The following PPP3CA variants were observed in gnomAD, a reference collection of about 807,000 sequenced individuals.
PPP3CA encodes protein phosphatase 3 catalytic subunit alpha, also known as CAM-PRP catalytic subunit.
A neutral mutation model predicts 66.5 loss-of-function variants in PPP3CA; 14 were observed. The observed-to-expected ratio is 0.21, with a 90% confidence interval of 0.14 to 0.33. The LOEUF is 0.33. Ranked by LOEUF, PPP3CA falls within the 10% of genes least tolerant of loss-of-function variation. PPP3CA has a pLI of 1.00. For missense variants in PPP3CA, 317 were observed against 639.5 expected (o/e 0.50, Z 5.44); for synonymous variants, 232 against 226.2 (o/e 1.03, Z -0.23).
chr4:101,070,112 T>C (rs1728851177), intron 8 of PPP3CA, among the ~76,000 whole-genome samples: 1 of 152,140 alleles, frequency 6.6e-6, no homozygotes, highest in Non-Finnish European at 1.5e-5. Flanking sequence ...ATTATTCATA[T>C]ATAGAATTTT....
chr4:101,164,561 A>AGTTTTTT (rs1553929946), intron 2 of PPP3CA, among the ~76,000 whole-genome samples: 3 of 31,288 alleles, frequency 9.6e-5, no homozygotes, highest in African/African-American at 1.9e-4. Flanking sequence ...ATGGGATTTA[A>AGTTTTTT]GTTTTTTTTT....
chr4:101,067,843 A>G (rs1019174397), intron 8 of PPP3CA, among the ~76,000 whole-genome samples: 54 of 150,738 alleles, frequency 3.6e-4, no homozygotes, highest in Admixed American at 4.0e-4. Flanking sequence ...TAATAATAAA[A>G]AGCTTCTAAT....
Position 101,040,477 on chromosome 4 carries a change from C to T in PPP3CA, c.1241+5G>A. On this transcript the variant is annotated splice_donor_5th_base_variant and intron_variant, in intron 11 of 13. Transcript: ENST00000394854. ...GAAACAAAAACAGAGTACGAATGCA[C>T]CCACCTGAGCACTGAGAACACTCTG... is the stretch of plus-strand genomic sequence containing the variant. 6.3e-7 allele frequency: 1 copy of T among 1,591,950 alleles called. No homozygotes were observed. Among genetic ancestry groups the T allele is most frequent in the East Asian group, 2.3e-5 (1 of 44,226 alleles).
chr4:101,256,901 A>G (rs2850336), intron 1 of PPP3CA, among the ~76,000 whole-genome samples: 54,108 of 151,812 alleles, frequency 0.36, 10,836 homozygotes, highest in East Asian at 0.69. Flanking sequence ...TTTGTTTAAC[A>G]CTCTCATTAA....
intron 1 of PPP3CA, among the ~76,000 whole-genome samples, chr4:101,298,693 T>C (rs1728272328): frequency 6.6e-6 from 1 of 152,162 alleles, no homozygotes; most frequent in Non-Finnish European, 1.5e-5. Context: ...ATACACAGTA[T>C]ATGTTAATTA....
intron 3 of PPP3CA, among the ~76,000 whole-genome samples, chr4:101,107,573 G>T (rs1205284159): frequency 6.6e-6 from 1 of 152,152 alleles, no homozygotes; most frequent in Non-Finnish European, 1.5e-5. Flanking sequence ...AGAAATCTGT[G>T]ATCTTTAAAT....
At chr4:101,132,468 A>C (rs1274200218) in intron 2 of PPP3CA, among the ~76,000 whole-genome samples, 1 of 152,236 alleles carries the variant, frequency 6.6e-6, no homozygotes, top group African/African-American at 2.4e-5. Context: ...AATACTATTA[A>C]CACCTCTACA....
rs778848431 is a variant in PPP3CA, at chr4:101,025,951, C to A, written c.1480G>T (p.Ala494Ser). Residue 494 changes from alanine (A) to serine (S), a missense_variant, in exon 14 of 14, where the codon GCC (alanine) becomes TCC (serine). This residue lies in a region of PPP3CA where 40 missense variants were observed against 38.6 expected (regional missense o/e 1.04). Coordinates refer to ENST00000394854, the MANE Select transcript of PPP3CA (RefSeq NM_000944.5). ...GCCTTGTTGATGGAGTTAAGGTTGG[C>A]GTCAGAGGGCATGGCATCTCTGCGA... ...PPRRDAMPSD[A>S]NLNSINKALT... 6.2e-7 allele frequency: 1 copy of A among 1,613,016 alleles called. No individual in the cohort carries two copies. Among genetic ancestry groups the A allele is most frequent in the Non-Finnish European group, 8.5e-7 (1 of 1,179,738 alleles).
chr4:101,199,695 T>C (rs1279296764), intron 1 of PPP3CA, among the ~76,000 whole-genome samples: 2 of 152,164 alleles, frequency 1.3e-5, no homozygotes, highest in South Asian at 2.1e-4. Flanking sequence ...AAACAACATA[T>C]TGAGCTAGGA....
At chr4:101,213,779 G>A (rs144517818) in intron 1 of PPP3CA, among the ~76,000 whole-genome samples, 21 of 152,176 alleles carry the variant, frequency 1.4e-4, no homozygotes, top group Non-Finnish European at 2.4e-4. Flanking sequence ...GACATAATCC[G>A]AGAGTCTTGA....
chr4:101,297,700 A>T (rs1181604265), intron 1 of PPP3CA, among the ~76,000 whole-genome samples: 1 of 152,130 alleles, frequency 6.6e-6, no homozygotes, highest in Non-Finnish European at 1.5e-5. Flanking sequence ...CTTTTTCCCT[A>T]CTTCCTTATG....
rs78813178 is a variant in PPP3CA at position 101,145,879 on chromosome 4, T to A, written c.260-36801A>T. On this transcript the variant is annotated intron_variant, in intron 2 of 13. Coordinates refer to ENST00000394854, the MANE Select transcript of PPP3CA (RefSeq NM_000944.5). ...TAAAAATTAAAGATTCTGGCTTTAATGAATACAAAAGCATTTTGTTCATAA... is the reference window on the plus strand; with the variant it reads ...TAAAAATTAAAGATTCTGGCTTTAAAGAATACAAAAGCATTTTGTTCATAA... Among the ~76,000 whole-genome samples the A allele has an allele frequency of 3.6e-3, 543 of 152,258 alleles. 4 individuals carry two copies. Among genetic ancestry groups the A allele is most frequent in the Middle Eastern group, 0.014 (4 of 294 alleles).
chr4:101,342,658 G>C (rs537540742), intron 1 of PPP3CA, among the ~76,000 whole-genome samples: 1 of 152,000 alleles, frequency 6.6e-6, no homozygotes, highest in Non-Finnish European at 1.5e-5. Flanking sequence ...TCATGATATT[G>C]AATTAATAAA....
At chr4:101,274,358 T>C (rs774180873) in intron 1 of PPP3CA, among the ~76,000 whole-genome samples, 2 of 152,182 alleles carry the variant, frequency 1.3e-5, no homozygotes, top group Non-Finnish European at 2.9e-5. Context: ...GAAAATATGT[T>C]CATGTCTCAA....
intron 9 of PPP3CA, among the ~76,000 whole-genome samples, chr4:101,061,725 TA>T (rs954579308): frequency 3.3e-5 from 5 of 152,102 alleles, no homozygotes; most frequent in East Asian, 3.8e-4. Flanking sequence ...CAAAAATGCT[TA>T]AAAAATTAAA....
Position 101,195,996 on chromosome 4 carries a change from A to G in PPP3CA, c.179T>C (p.Val60Ala), listed in dbSNP as rs2110190603. Residue 60 changes from valine to alanine, a missense_variant, in exon 2 of 14, where the codon GTT becomes GCT. Val to Ala is a moderately conservative substitution (Grantham distance 64, BLOSUM62 0). Coordinates refer to ENST00000394854, the MANE Select transcript of PPP3CA (RefSeq NM_000944.5). ...ACCCTCTGTTATTATTCTCAATGCAACACTCTCTTCCAGCCTTCCCTCCTT... is the reference window on the plus strand; with the variant it reads ...ACCCTCTGTTATTATTCTCAATGCAGCACTCTCTTCCAGCCTTCCCTCCTT... Reference protein sequence around the residue: ...LMKEGRLEESVALRIITEGAS... With the variant: ...LMKEGRLEESAALRIITEGAS... 2 of 1,614,104 alleles carry G rather than the reference A, an allele frequency of 1.2e-6. No homozygotes were observed. Among genetic ancestry groups the G allele is most frequent in the Non-Finnish European group, 1.7e-6 (2 of 1,179,984 alleles).
rs1728179830 is a variant in PPP3CA, at chr4:101,295,637, T to G, written c.58+51102A>C. 2.0e-5 allele frequency among the ~76,000 whole-genome samples: 3 copies of G among 152,218 alleles called. No homozygotes were observed. The South Asian group carries it at 6.2e-4, about 31-fold the overall frequency. Reference sequence around the variant, plus strand: ...CTTGGCAATTCTTTGGTATTATTACTTTGCTTCAAACTTTTCTCTTTGGGA... The same window carrying G: ...CTTGGCAATTCTTTGGTATTATTACGTTGCTTCAAACTTTTCTCTTTGGGA... On this transcript the variant is annotated intron_variant, in intron 1 of 13. Transcript: ENST00000394854.
chr4:101,205,928 C>T (rs1725117033), intron 1 of PPP3CA, among the ~76,000 whole-genome samples: 1 of 152,142 alleles, frequency 6.6e-6, no homozygotes. Flanking sequence ...AATATTTTGC[C>T]TGACAGTCAC....
Position 101,026,055 on chromosome 4 carries a change from T to C in PPP3CA, c.1376A>G (p.Lys459Arg). 1 of 1,589,222 alleles carries C rather than the reference T, an allele frequency of 6.3e-7. No individual in the cohort carries two copies. The highest frequency in any genetic ancestry group is 8.6e-7 in the Non-Finnish European group (1 of 1,169,566). The change falls in exon 14 of 14, where the codon AAA (lysine) becomes AGA (arginine). Residue 459 changes from lysine (K) to arginine (R), a missense_variant. Physicochemically the swap from Lys to Arg is conservative, Grantham distance 26. Around this residue, in one of 3 missense-constraint regions of PPP3CA, gnomAD observed 201 missense variants for 501.4 expected, o/e 0.40. Coordinates refer to ENST00000394854, the MANE Select transcript of PPP3CA (RefSeq NM_000944.5). ...VEAIEADEAI[K>R]GFSPQHKITS... ...GATCTTATGTTGTGGTGAAAATCCT[T>C]TGATAGCTAAACAGAAAATCATTAA... is the stretch of plus-strand genomic sequence containing the variant.
Sources: gnomAD v4.1 joint callset for allele counts (sites outside exome capture counted in the v4.1 genomes callset) on GRCh38, gnomAD v4.1.1 for gene constraint, gnomAD v4.1.1 regional missense constraint, MANE v1.5 for transcripts, NCBI Gene and HGNC (gene_info 2026-07-23, HGNC 2026-07-21) for gene names.